Variants in STXBP6 observed in about 807,000 individuals in gnomAD.
The protein encoded by STXBP6 is syntaxin-binding protein 6.
A neutral mutation model predicts 26.9 loss-of-function variants in STXBP6; 21 were observed. The observed-to-expected ratio is 0.78, with a 90% CI of 0.55 to 1.12. STXBP6 has a LOEUF of 1.12. Among genes scored for constraint, STXBP6 ranks in the 50% most tolerant of loss-of-function variants. The probability of loss-of-function intolerance (pLI) is 0.00; values close to 1 mark genes in which losing one functional copy is unlikely to be tolerated. For missense variants in STXBP6, 232 were observed against 257.9 expected (o/e 0.90, Z 0.69); for synonymous variants, 97 against 92.6 (o/e 1.05, Z -0.27).
At chr14:24,892,080 T>C (rs2070808754) in intron 2 of STXBP6, among the ~76,000 whole-genome samples, 1 of 152,240 alleles carries the variant, frequency 6.6e-6, no homozygotes, top group Non-Finnish European at 1.5e-5. Flanking sequence ...TTTGAAATTA[T>C]TAGATTACCC....
chr14:24,928,104 C>T (rs1035891676), intron 2 of STXBP6, among the ~76,000 whole-genome samples: 2 of 152,152 alleles, frequency 1.3e-5, no homozygotes, highest in East Asian at 1.9e-4. Context: ...ATAAATCCCT[C>T]GTTAGATTGA....
intron 1 of STXBP6, among the ~76,000 whole-genome samples, chr14:25,015,097 A>G (rs1475536866): frequency 6.6e-6 from 1 of 152,262 alleles, no homozygotes; most frequent in Non-Finnish European, 1.5e-5. Flanking sequence ...GAAAATACTG[A>G]AAACTATCAT....
At chr14:24,856,961 C>A in intron 3 of STXBP6, 66 bp downstream of exon 3, 1 of 1,568,274 alleles carries the variant, frequency 6.4e-7, no homozygotes, top group South Asian at 1.2e-5. Context: ...CTACCACTAC[C>A]AAGGTCAATC....
intron 4 of STXBP6, among the ~76,000 whole-genome samples, chr14:24,841,056 T>C (rs973713571): frequency 6.6e-6 from 1 of 152,220 alleles, no homozygotes; most frequent in African/African-American, 2.4e-5. Flanking sequence ...TTTGCAATCG[T>C]TACAGTTTCT....
At chr14:24,882,416 A>AAAAAAG (rs2070405874) in intron 2 of STXBP6, among the ~76,000 whole-genome samples, 1 of 108,692 alleles carries the variant, frequency 9.2e-6, no homozygotes, top group African/African-American at 3.3e-5. Flanking sequence ...AAAAAAAAAG[A>AAAAAAG]GGGGCTTTCC....
In STXBP6 at chr14:24,856,892, GT is replaced by G. The variant is rs2069353085; in HGVS notation, c.285+134del. ...ATAAGAAAGGACTCTGTATCCGAAA[GT>G]TTTAATCACATAATTGAAATAGAGA... On this transcript the variant is annotated intron_variant, in intron 3 of 5. Transcript: ENST00000323944. 11 of 1,138,834 alleles carry G rather than the reference GT, an allele frequency of 9.7e-6. No homozygotes were observed. In the South Asian group the frequency reaches 2.0e-4, roughly 21 times the overall value. The allele number at this position is 1,138,834 out of a possible 1,614,324, so 70.5% of individuals were successfully genotyped here. A position where few individuals can be genotyped will look rare whatever the true frequency, so the allele number is the denominator to read the frequency against.
chr14:25,041,330 CATAA>C (rs2075639315), intron 1 of STXBP6, among the ~76,000 whole-genome samples: 1 of 151,856 alleles, frequency 6.6e-6, no homozygotes, highest in Non-Finnish European at 1.5e-5. Flanking sequence ...TAAATAAATA[CATAA>C]ATAAATAAAT....
intron 2 of STXBP6, among the ~76,000 whole-genome samples, chr14:24,923,682 T>G (rs950447108): frequency 6.6e-6 from 1 of 152,170 alleles, no homozygotes; most frequent in Non-Finnish European, 1.5e-5. Context: ...TTTTCCTGAT[T>G]ACTAGTGAGG....
At chr14:24,917,790 C>T (rs923692383) in intron 2 of STXBP6, among the ~76,000 whole-genome samples, 2 of 152,072 alleles carry the variant, frequency 1.3e-5, no homozygotes, top group Middle Eastern at 3.4e-3. Context: ...GAAAAGGACA[C>T]CATTAATAAA....
chr14:24,972,943 C>T (rs1473135917), intron 2 of STXBP6, among the ~76,000 whole-genome samples: 2 of 152,134 alleles, frequency 1.3e-5, no homozygotes, highest in African/African-American at 4.8e-5. Context: ...AGAGTGAGAA[C>T]TCATCTTTAC....
chr14:24,956,735 C>T (rs561165259), intron 2 of STXBP6, among the ~76,000 whole-genome samples: 2 of 152,100 alleles, frequency 1.3e-5, no homozygotes, highest in African/African-American at 4.8e-5. Context: ...GGTTTCAGTG[C>T]TGTTTTTATT....
chr14:25,042,152 C>G (rs1031027553), intron 1 of STXBP6, among the ~76,000 whole-genome samples: 4 of 152,146 alleles, frequency 2.6e-5, no homozygotes, highest in Admixed American at 2.0e-4. Flanking sequence ...TGATGATAAA[C>G]GAAACAGAAA....
intron 2 of STXBP6, among the ~76,000 whole-genome samples, chr14:24,889,768 G>C (rs2070727850): frequency 6.6e-6 from 1 of 152,160 alleles, no homozygotes; most frequent in Admixed American, 6.6e-5. Flanking sequence ...ATCAATCCAG[G>C]AGAGTCATAC....
intron 2 of STXBP6, among the ~76,000 whole-genome samples, chr14:24,891,882 T>C (rs191330981): frequency 0.01 from 1,538 of 152,320 alleles, 15 homozygotes; most frequent in Non-Finnish European, 0.017. Flanking sequence ...ACATTTCCTC[T>C]TCCTGGAATG....
intron 1 of STXBP6, among the ~76,000 whole-genome samples, chr14:24,987,440 T>C (rs530799461): frequency 2.0e-5 from 3 of 152,380 alleles, no homozygotes; most frequent in South Asian, 4.1e-4. Context: ...AAGGAGGTTA[T>C]GGAAATCAGC....
intron 1 of STXBP6, among the ~76,000 whole-genome samples, chr14:25,036,214 CAAAAAAAA>C (rs559433301): frequency 1.1e-4 from 9 of 80,712 alleles, no homozygotes; most frequent in Admixed American, 4.8e-4. Context: ...AAGACTCCAT[CAAAAAAAA>C]AAAAAAAAAA....
At chr14:24,894,533 C>G (rs1295978870) in intron 2 of STXBP6, among the ~76,000 whole-genome samples, 1 of 152,168 alleles carries the variant, frequency 6.6e-6, no homozygotes, top group African/African-American at 2.4e-5. Context: ...AGACAGGAAA[C>G]TTAATGCTGA....
chr14:24,880,375 G>C (rs562799465), intron 2 of STXBP6, among the ~76,000 whole-genome samples: 1 of 152,214 alleles, frequency 6.6e-6, no homozygotes, highest in South Asian at 2.1e-4. Flanking sequence ...ACCTCTTGGG[G>C]GTACATTAAT....
intron 2 of STXBP6, among the ~76,000 whole-genome samples, chr14:24,931,016 CAGGAGAATG>C (rs2072369586): frequency 7.3e-6 from 1 of 136,788 alleles, no homozygotes; most frequent in Admixed American, 7.8e-5. Flanking sequence ...GAGGCTGAGG[CAGGAGAATG>C]GCGTGAACCC....
Sources: gnomAD v4.1 joint callset for allele counts (sites outside exome capture counted in the v4.1 genomes callset) on GRCh38, gnomAD v4.1.1 for gene constraint, MANE v1.5 for transcripts, NCBI Gene and HGNC (gene_info 2026-07-23, HGNC 2026-07-21) for gene names.